The following ATPAF1 variants were observed in gnomAD, a reference collection of about 807,000 sequenced individuals.
ATPAF1 encodes homolog of yeast ATP11.
ATPAF1 carries 26 observed loss-of-function variants against 43.9 expected under a neutral mutation model. The observed-to-expected ratio is 0.59, with a 90% CI of 0.43 to 0.82. The LOEUF is 0.82. Ranked by LOEUF, ATPAF1 falls within the 40% of genes least tolerant of loss-of-function variation. The pLI, the probability that ATPAF1 is intolerant of heterozygous loss-of-function variation, is 0.00. For synonymous variants in ATPAF1, 157 were observed against 168.0 expected, an observed-to-expected ratio of 0.93 and a Z score of 0.50; for missense variants, 366 against 435.0, an observed-to-expected ratio of 0.84 and a Z score of 1.41.
At chr1:46,660,841 T>C (rs1288121851) in intron 2 of ATPAF1, among the ~76,000 whole-genome samples, 1 of 152,052 alleles carries the variant, frequency 6.6e-6, no homozygotes, top group Non-Finnish European at 1.5e-5. Flanking sequence ...GAGTTCTACA[T>C]AATAAAAAAA....
At chr1:46,647,506 AC>A (rs1676066725) in intron 6 of ATPAF1, among the ~76,000 whole-genome samples, 1 of 33,842 alleles carries the variant, frequency 3.0e-5, no homozygotes, top group African/African-American at 1.5e-4. Flanking sequence ...ACACACATAC[AC>A]ACACACACAC....
chr1:46,663,292 A>G (rs1419879170), intron 2 of ATPAF1, among the ~76,000 whole-genome samples: 1 of 152,226 alleles, frequency 6.6e-6, no homozygotes, highest in Non-Finnish European at 1.5e-5. Context: ...CTTTGGGTAT[A>G]TACCCAGTAA....
At chr1:46,636,115 T>A (rs1675836348) in intron 8 of ATPAF1, 145 bp from the exon 9 acceptor site, 4 of 817,270 alleles carry the variant, frequency 4.9e-6, no homozygotes, top group Non-Finnish European at 8.3e-6. Flanking sequence ...TAGTCTTGGT[T>A]AGGTGCCCCT....
rs1676215257 is a variant in ATPAF1, at chr1:46,653,880, G to A, written c.490-13C>T. The A allele has an allele frequency of 3.1e-6, 5 of 1,609,388 alleles. No individual in the cohort carries two copies. In the East Asian group the frequency reaches 1.1e-4, roughly 36 times the overall value. ...ATTGCTGCCAAATCTGTACAAAAAAGAGAGGGGTGTCTGTGACATGTGGGT... is the reference window on the plus strand; with the variant it reads ...ATTGCTGCCAAATCTGTACAAAAAAAAGAGGGGTGTCTGTGACATGTGGGT... On this transcript the variant is annotated splice_polypyrimidine_tract_variant and intron_variant, in intron 4 of 8. Coordinates refer to ENST00000574428, the Ensembl canonical transcript of ATPAF1. The surrounding 1 kb of genome is among the most constrained non-coding windows in gnomAD (Gnocchi z 4.8).
intron 7 of ATPAF1, 95 bp from the exon 8 acceptor site, chr1:46,643,396 T>G (rs1675984360): frequency 2.1e-6 from 2 of 971,256 alleles, no homozygotes; most frequent in Admixed American, 5.1e-5. Flanking sequence ...ATTCTGGCTC[T>G]TAACAGCCCC....
At chr1:46,652,480 A>C (rs1439226082) in intron 6 of ATPAF1, 101 bp downstream of exon 6, 2 of 1,165,346 alleles carry the variant, frequency 1.7e-6, no homozygotes, top group African/African-American at 1.6e-5. Flanking sequence ...TAAACAGAGC[A>C]CTATAACATG....
intron 2 of ATPAF1, chr1:46,663,927 G>C (rs947991615): frequency 7.8e-7 from 1 of 1,277,352 alleles, no homozygotes; most frequent in Non-Finnish European, 1.0e-6. Context: ...CACCATCCTA[G>C]GTTAGAATTT....
chr1:46,638,434 C>T (rs987828779), intron 8 of ATPAF1, among the ~76,000 whole-genome samples: 2 of 152,020 alleles, frequency 1.3e-5, no homozygotes, highest in Non-Finnish European at 1.5e-5. Context: ...CTGGCTAACA[C>T]GGTGAAACCC....
At chr1:46,659,513 C>G (rs682000) in intron 2 of ATPAF1, among the ~76,000 whole-genome samples, 3 of 145,904 alleles carry the variant, frequency 2.1e-5, no homozygotes, top group African/African-American at 7.3e-5. Context: ...CCTCAGCAGA[C>G]TAGAGTCATT....
chr1:46,653,732 G>A lies in ATPAF1; in HGVS notation c.540+85C>T. On this transcript the variant is annotated intron_variant, in intron 5 of 8. Coordinates refer to ENST00000574428, the Ensembl canonical transcript of ATPAF1. The surrounding 1 kb of genome is among the most constrained non-coding windows in gnomAD (Gnocchi z 4.8). ...AGCTTCTCAAGAGGCAATAAACATA[G>A]GAAAAGTAAAGGCAACTGCCTGCTA... is the stretch of plus-strand genomic sequence containing the variant. 1.5e-6 allele frequency: 2 copies of A among 1,329,100 alleles called. No homozygotes were observed. The highest frequency in any genetic ancestry group is 1.3e-5 in the South Asian group (1 of 74,334). 82.3% of individuals were successfully genotyped at this position (1,329,100 alleles called of 1,614,324 possible). A position where few individuals can be genotyped will look rare whatever the true frequency, so the allele number is the denominator to read the frequency against.
chr1:46,648,713 C>T (rs963911461), intron 6 of ATPAF1, among the ~76,000 whole-genome samples: 2 of 152,040 alleles, frequency 1.3e-5, no homozygotes, highest in Admixed American at 1.3e-4. Flanking sequence ...TGCGGTGGCT[C>T]ATGCCTGTAA....
rs1676528515 is a variant in ATPAF1 at position 46,668,254 on chromosome 1, G to A, written c.69C>T (p.Tyr23=). The A allele has an allele frequency of 1.4e-6, 2 of 1,391,740 alleles. No homozygotes were observed. Among genetic ancestry groups the A allele is most frequent in the Non-Finnish European group, 1.9e-6 (2 of 1,069,818 alleles). The allele number at this position is 1,391,740 out of a possible 1,614,324, so 86.2% of individuals were successfully genotyped here. Residue 23 remains tyrosine (Y), a synonymous_variant, in exon 1 of 9, where the codon TAC becomes TAT. Transcript: ENST00000574428. This position sits in a 1 kb window ranked among gnomAD's most constrained non-coding sequence, Gnocchi z 4.4. ...GGCTGCGCACCGCGCACAGGCCCCG[G>A]TAGAGACCGGCCACCTGCAGGACCG...
At chr1:46,655,661 C>T (rs990749029) in intron 4 of ATPAF1, among the ~76,000 whole-genome samples, 1 of 152,006 alleles carries the variant, frequency 6.6e-6, no homozygotes, top group Non-Finnish European at 1.5e-5. Context: ...TTTTTTACTA[C>T]CTTTTTTTTG....
intron 6 of ATPAF1, among the ~76,000 whole-genome samples, chr1:46,650,411 T>C (rs1459853110): frequency 2.0e-5 from 3 of 151,332 alleles, no homozygotes; most frequent in Admixed American, 1.3e-4. Context: ...GGAACTTTTG[T>C]ATAATATTGG....
chr1:46,662,804 T>G (rs934694071), intron 2 of ATPAF1, among the ~76,000 whole-genome samples: 3 of 152,202 alleles, frequency 2.0e-5, no homozygotes, highest in Non-Finnish European at 4.4e-5. Flanking sequence ...TATTATACTT[T>G]AAGTTTTAGG....
intron 8 of ATPAF1, among the ~76,000 whole-genome samples, chr1:46,642,784 T>C (rs1175847029): frequency 6.6e-6 from 1 of 152,216 alleles, no homozygotes; most frequent in Admixed American, 6.5e-5. Context: ...ATAGATACTA[T>C]ATAACTATAT....
intron 6 of ATPAF1, among the ~76,000 whole-genome samples, chr1:46,652,067 G>A (rs1676179527): frequency 6.6e-6 from 1 of 152,076 alleles, no homozygotes; most frequent in African/African-American, 2.4e-5. Flanking sequence ...CCAATACAAT[G>A]AAATGATAAA....
At chr1:46,633,673 T>C (rs1675789190), downstream of ATPAF1, 2 of 454,890 alleles carry the variant, frequency 4.4e-6, no homozygotes, top group South Asian at 1.6e-5. Flanking sequence ...CACACATTTA[T>C]CCATGGACAC....
At chr1:46,654,157 C>CT (rs1457336420) in intron 4 of ATPAF1, among the ~76,000 whole-genome samples, 35 of 152,056 alleles carry the variant, frequency 2.3e-4, no homozygotes, top group African/African-American at 5.3e-4. Flanking sequence ...TAGACAACTT[C>CT]TTTTTTTTCA....
Sources: allele counts gnomAD v4.1 joint callset (sites outside exome capture counted in the v4.1 genomes callset), GRCh38; gene constraint gnomAD v4.1.1; non-coding constraint Gnocchi (gnomAD v3.1); transcripts MANE v1.5; gene names NCBI Gene and HGNC (gene_info 2026-07-23, HGNC 2026-07-21).